The following MRPL2 variants were observed in gnomAD, a reference collection of about 807,000 sequenced individuals.
MRPL2 encodes mitochondrial ribosomal protein L2, also known as large ribosomal subunit protein uL2m.
A neutral mutation model predicts 34.6 loss-of-function variants in MRPL2; 27 were observed. That is an observed-to-expected ratio of 0.78 (90% confidence interval 0.58 to 1.08). MRPL2 has a LOEUF of 1.08. MRPL2 is among the 50% of genes least tolerant of loss of function. The pLI is 0.00. For synonymous variants in MRPL2, 155 were observed against 158.0 expected, an observed-to-expected ratio of 0.98 and a Z score of 0.14; for missense variants, 414 against 419.3, an observed-to-expected ratio of 0.99 and a Z score of 0.11.
chr6:43,057,159 G>A (rs1042329911), intron 2 of MRPL2, among the ~76,000 whole-genome samples: 12 of 151,896 alleles, frequency 7.9e-5, no homozygotes, highest in Admixed American at 4.6e-4. Context: ...TTATAGGCAG[G>A]AGCCACCACA....
chr6:43,059,083 C>A, intron 1 of MRPL2: 1 of 1,492,516 alleles, frequency 6.7e-7, no homozygotes, highest in Admixed American at 2.1e-5. Context: ...AGCACTTTCA[C>A]CTTAAGTATC....
At chr6:43,057,536 G>A (rs1045685446) in intron 2 of MRPL2, 2 of 153,164 alleles carry the variant, frequency 1.3e-5, no homozygotes, top group African/African-American at 4.8e-5. Flanking sequence ...TAGAGATGGG[G>A]TTTCACCATG....
Position 43,056,338 on chromosome 6 carries a change from TCTC to T in MRPL2, c.370_372del (p.Glu124del). The T allele has an allele frequency of 1.2e-6, 2 of 1,614,094 alleles. No individual in the cohort carries two copies. Among genetic ancestry groups the T allele is most frequent in the Non-Finnish European group, 1.7e-6 (2 of 1,179,980 alleles). On this transcript the variant is annotated inframe_deletion, in exon 3 of 7. Transcript: ENST00000388752. ...GGATCATAGCGGACTTGGATAACCTTCTCCTCAAAGGGTCCTGACTTGGTCTCC... is the reference window on the plus strand; with the variant it reads ...GGATCATAGCGGACTTGGATAACCTTCTCAAAGGGTCCTGACTTGGTCTCC...
chr6:43,054,906 T>C (rs780078748), intron 6 of MRPL2, among the ~76,000 whole-genome samples: 52 of 149,326 alleles, frequency 3.5e-4, no homozygotes, highest in Non-Finnish European at 6.8e-4. Flanking sequence ...GGTGATACCC[T>C]GTCTCTACAA....
At position 43,056,019 on chromosome 6, in the gene MRPL2, G is replaced by T. The variant is rs778848102; in HGVS notation, c.521-12C>A. ...TTCCCGAGCAGCAACTAAAAGACAG[G>T]ATTTCATTAGCTCTAGAACTTTTGC... On this transcript the variant is annotated splice_polypyrimidine_tract_variant and intron_variant, in intron 4 of 6. Transcript: ENST00000388752. 3.1e-6 allele frequency: 5 copies of T among 1,613,992 alleles called. No homozygotes were observed. Among genetic ancestry groups the T allele is most frequent in the Non-Finnish European group, 4.2e-6 (5 of 1,180,012 alleles).
chr6:43,059,219 A>G (rs1764997444), intron 1 of MRPL2, 67 bp downstream of exon 1: 1 of 1,550,992 alleles, frequency 6.4e-7, no homozygotes, highest in East Asian at 2.4e-5. Flanking sequence ...CCCGCCTCGC[A>G]TGCCCGCAGA....
Position 43,055,633 on chromosome 6 carries a change from T to C in MRPL2, c.632-15A>G, listed in dbSNP as rs9471999. Reference sequence around the variant, plus strand: ...ACCACACGTCCCTGGGGAAAGAAGCTGATTTGCCACCCTCCACAAAACAGG... The same window carrying C: ...ACCACACGTCCCTGGGGAAAGAAGCCGATTTGCCACCCTCCACAAAACAGG... On this transcript the variant is annotated splice_polypyrimidine_tract_variant and intron_variant, in intron 5 of 6. Transcript: ENST00000388752. 208,098 of 1,613,478 alleles carry C rather than the reference T, an allele frequency of 0.13. 21,042 individuals carry two copies. Among genetic ancestry groups the C allele is most frequent in the African/African-American group, 0.52 (38,900 of 74,880 alleles).
chr6:43,055,328 C>T (rs918382804), intron 6 of MRPL2, among the ~76,000 whole-genome samples: 5 of 151,704 alleles, frequency 3.3e-5, no homozygotes, highest in African/African-American at 7.3e-5. Flanking sequence ...CATTGCACTC[C>T]AGCCTGGGCG....
In MRPL2 at chr6:43,056,112, G is replaced by A; in HGVS notation, c.489C>T (p.Ile163=). The change falls in exon 4 of 7, where the codon ATC becomes ATT. Residue 163 remains isoleucine, a synonymous_variant. Transcript: ENST00000388752. The part of the protein sequence containing the change: ...ATENMQAGDT[I]LNSNHIGRMA... ...TTCGGCCTATGTGGTTAGAGTTCAA[G>A]ATTGTATCTCCAGCCTGCATGTTTT... is the stretch of plus-strand genomic sequence containing the variant. The A allele has an allele frequency of 6.2e-7, 1 of 1,614,214 alleles. No individual in the cohort carries two copies. Among genetic ancestry groups the A allele is most frequent in the Non-Finnish European group, 8.5e-7 (1 of 1,180,042 alleles).
At position 43,058,087 on chromosome 6, in the gene MRPL2, C is replaced by T. The variant is rs747114428; in HGVS notation, c.243G>A (p.Lys81=). The T allele has an allele frequency of 3.8e-5, 62 of 1,614,046 alleles. No homozygotes were observed. The highest frequency in any genetic ancestry group is 1.7e-4 in the Middle Eastern group (1 of 6,060). ...CACCTGTGTGGTCTCGGCCCCCAGA[C>T]TTCCTCATCTTCACTGGTGTAATGG... ...KYTITPVKMR[K]SGGRDHTGRI... The change falls in exon 2 of 7, where the codon AAG becomes AAA. Residue 81 remains lysine (K), a synonymous_variant. Coordinates refer to ENST00000388752, the MANE Select transcript of MRPL2 (RefSeq NM_015950.5).
Position 43,054,389 on chromosome 6 carries a change from T to C in MRPL2, c.803A>G (p.Lys268Arg). The C allele has an allele frequency of 1.9e-6, 3 of 1,614,170 alleles. No individual in the cohort carries two copies. Among genetic ancestry groups the C allele is most frequent in the Non-Finnish European group, 2.5e-6 (3 of 1,180,012 alleles). ...GTGCCACCGCCCACTGTTAGGCCTCTTGCCCAGCCAGCGGTTGCGACCTGC... is the reference window on the plus strand; with the variant it reads ...GTGCCACCGCCCACTGTTAGGCCTCCTGCCCAGCCAGCGGTTGCGACCTGC... The part of the protein sequence containing the change: ...GKAGRNRWLG[K>R]RPNSGRWHRK... The change falls in exon 7 of 7, where the codon AAG (lysine) becomes AGG (arginine). Residue 268 changes from lysine (K) to arginine (R), a missense_variant. Physicochemically the swap from Lys to Arg is conservative, Grantham distance 26. Coordinates refer to ENST00000388752, the MANE Select transcript of MRPL2 (RefSeq NM_015950.5).
In MRPL2 at chr6:43,058,067, G is replaced by A. The variant is rs1764937481; in HGVS notation, c.263C>T (p.Thr88Ile). ...AATCCCCCTGTCCTTGTTCCCACCTGTGTGGTCTCGGCCCCCAGACTTCCT... is the reference window on the plus strand; with the variant it reads ...AATCCCCCTGTCCTTGTTCCCACCTATGTGGTCTCGGCCCCCAGACTTCCT... ...KMRKSGGRDH[T>I]GRIRVHGIGG... Residue 88 changes from threonine (T) to isoleucine (I), a missense_variant and splice_region_variant, in exon 2 of 7, where the codon ACA (threonine) becomes ATA (isoleucine). Coordinates refer to ENST00000388752, the MANE Select transcript of MRPL2 (RefSeq NM_015950.5). The A allele has an allele frequency of 3.1e-6, 5 of 1,613,786 alleles. No homozygotes were observed. The highest frequency in any genetic ancestry group is 4.2e-6 in the Non-Finnish European group (5 of 1,180,012).
rs200941628 is a variant in MRPL2 at position 43,054,471 on chromosome 6, C to G, written c.721G>C (p.Val241Leu). 4 of 1,613,978 alleles carry G rather than the reference C, an allele frequency of 2.5e-6. No homozygotes were observed. The highest frequency in any genetic ancestry group is 3.4e-6 in the Non-Finnish European group (4 of 1,180,040). The change falls in exon 7 of 7, where the codon GTA becomes CTA. Residue 241 changes from valine (V) to leucine (L), a missense_variant. Coordinates refer to ENST00000388752, the MANE Select transcript of MRPL2 (RefSeq NM_015950.5). ...KRQMQVLETC[V>L]ATVGRVSNVD... The stretch of plus-strand genomic sequence containing the variant: ...TTGGATACTCGGCCTACTGTTGCTA[C>G]GCACGTTTCCAGCACCTGACAGAGA...
chr6:43,058,113 T>C lies in MRPL2; in HGVS notation c.217A>G (p.Thr73Ala), dbSNP rs147348186. ...FVSWKSRTKY[T>A]ITPVKMRKSG... is the part of the protein sequence containing the mutation. ...TTCCTCATCTTCACTGGTGTAATGGTGTACTTGGTACGACTCTTCCAGGAC... is the reference window on the plus strand; with the variant it reads ...TTCCTCATCTTCACTGGTGTAATGGCGTACTTGGTACGACTCTTCCAGGAC... The change falls in exon 2 of 7, where the codon ACC becomes GCC. Residue 73 changes from threonine (T) to alanine (A), a missense_variant. Thr to Ala is a moderately conservative substitution (Grantham distance 58, BLOSUM62 0). Coordinates refer to ENST00000388752, the MANE Select transcript of MRPL2 (RefSeq NM_015950.5). 2.4e-5 allele frequency: 39 copies of C among 1,614,076 alleles called. No homozygotes were observed. The highest frequency in any genetic ancestry group is 3.3e-5 in the Non-Finnish European group (39 of 1,180,044).
rs776134661 is a variant in MRPL2, at chr6:43,054,434, T to C, written c.758A>G (p.Asn253Ser). Residue 253 changes from asparagine (N) to serine (S), a missense_variant, in exon 7 of 7, where the codon AAC becomes AGC. Coordinates refer to ENST00000388752, the MANE Select transcript of MRPL2 (RefSeq NM_015950.5). ...TVGRVSNVDH[N>S]KRVIGKAGRN... ...ACCTGCCTTGCCAATGACCCGTTTG[T>C]TATGATCAACGTTGGATACTCGGCC... The C allele has an allele frequency of 1.9e-6, 3 of 1,614,106 alleles. No homozygotes were observed. In the African/African-American group the frequency reaches 4.0e-5, roughly 22 times the overall value.
intron 2 of MRPL2, chr6:43,057,443 C>T (rs1764908376): frequency 6.6e-6 from 1 of 152,378 alleles, no homozygotes; most frequent in Non-Finnish European, 1.5e-5. Context: ...CTCCCGGGCT[C>T]AAGTGATTCT....
intron 2 of MRPL2, chr6:43,057,752 T>C (rs1764924170): frequency 5.2e-6 from 2 of 383,610 alleles, no homozygotes; most frequent in Non-Finnish European, 9.3e-6. Context: ...ATGCTGGGAT[T>C]ACAGTCGTGA....
chr6:43,054,103 T>C lies in MRPL2; in HGVS notation c.*171A>G. The C allele has an allele frequency of 1.6e-6, 1 of 641,086 alleles. No individual in the cohort carries two copies. Among genetic ancestry groups the C allele is most frequent in the South Asian group, 2.0e-5 (1 of 50,696 alleles). 39.7% of individuals were successfully genotyped at this position (641,086 alleles called of 1,614,324 possible). A position where few individuals can be genotyped will look rare whatever the true frequency, so the allele number is the denominator to read the frequency against. On this transcript the variant is annotated 3_prime_UTR_variant, in exon 7 of 7. Transcript: ENST00000388752. ...AATTGGGGTGGGGACAGACCCAGTG[T>C]CCTGTACTTTCTCTTCCACACTTTT...
chr6:43,058,576 A>C (rs1338166631), intron 1 of MRPL2, among the ~76,000 whole-genome samples: 1 of 152,170 alleles, frequency 6.6e-6, no homozygotes, highest in African/African-American at 2.4e-5. Context: ...TTCACATATG[A>C]ATGGAGGGGA....
Sources: gnomAD v4.1 joint callset for allele counts (sites outside exome capture counted in the v4.1 genomes callset) on GRCh38, gnomAD v4.1.1 for gene constraint, MANE v1.5 for transcripts, NCBI Gene and HGNC (gene_info 2026-07-23, HGNC 2026-07-21) for gene names.